Variants in DPP6 observed in about 807,000 individuals in gnomAD.
DPP6 encodes the protein dipeptidyl peptidase like 6.
In DPP6, 69 loss-of-function variants were observed where a neutral mutation model predicts 122.6. The observed-to-expected ratio is 0.56, with a 90% CI of 0.46 to 0.69. The LOEUF is 0.69. DPP6 is among the 30% of genes least tolerant of loss of function. DPP6 has a pLI of 0.00. For synonymous variants in DPP6, 418 were observed against 433.1 expected (o/e 0.97, Z 0.43); for missense variants, 928 against 1,116.9 (o/e 0.83, Z 2.41).
rs1834414154 is a variant in DPP6 at position 154,618,477 on chromosome 7, G to A, written c.628-19344G>A. 6.6e-6 allele frequency among the ~76,000 whole-genome samples: 1 copy of A among 152,132 alleles called. No individual in the cohort carries two copies. Among genetic ancestry groups the A allele is most frequent in the South Asian group, 2.1e-4 (1 of 4,828 alleles). On this transcript the variant is annotated intron_variant, in intron 5 of 25. Transcript: ENST00000377770. This position sits in a 1 kb window ranked among gnomAD's most constrained non-coding sequence, Gnocchi z 4.1. ...CTTGTTAGACCATTGATTTCCTTTAGAAGATCAAAATCAGGGTGCAGGTAG... is the reference window on the plus strand; with the variant it reads ...CTTGTTAGACCATTGATTTCCTTTAAAAGATCAAAATCAGGGTGCAGGTAG...
the DPP6 span, among the ~76,000 whole-genome samples, chr7:153,772,750 G>C: frequency 4.7e-5 from 7 of 148,286 alleles, 1 homozygote; most frequent in African/African-American, 7.3e-5. Flanking sequence ...GATTTAGATA[G>C]GTTAAAAGAA....
At chr7:154,827,867 T>A (rs1800303329) in intron 16 of DPP6, among the ~76,000 whole-genome samples, 1 of 151,864 alleles carries the variant, frequency 6.6e-6, no homozygotes, top group Non-Finnish European at 1.5e-5. Flanking sequence ...GTGATGAAAA[T>A]GTCTTAGACT....
intron 1 of DPP6, among the ~76,000 whole-genome samples, chr7:154,359,417 G>A (rs765936917): frequency 5.9e-5 from 9 of 152,104 alleles, no homozygotes; most frequent in African/African-American, 2.2e-4. Context: ...TTGATGAAAG[G>A]TTCCTTCTGC....
intron 1 of DPP6, among the ~76,000 whole-genome samples, chr7:153,902,083 C>T (rs1799660416): frequency 6.6e-6 from 1 of 152,228 alleles, no homozygotes. Flanking sequence ...AGAAAGAGAA[C>T]ACTTTTCTTA....
chr7:154,717,899 C>G (rs570833606), intron 7 of DPP6, among the ~76,000 whole-genome samples: 1 of 152,308 alleles, frequency 6.6e-6, no homozygotes, highest in Non-Finnish European at 1.5e-5. Context: ...TTATCCATAT[C>G]CTCACCAGCA....
intron 3 of DPP6, among the ~76,000 whole-genome samples, chr7:154,537,460 A>G (rs558642738): frequency 4.6e-5 from 7 of 152,312 alleles, no homozygotes; most frequent in Non-Finnish European, 1.0e-4. Context: ...TTAAAGTGTC[A>G]TAACCACTTT....
intron 1 of DPP6, among the ~76,000 whole-genome samples, chr7:154,167,231 G>C (rs1182078437): frequency 6.6e-6 from 1 of 152,208 alleles, no homozygotes; most frequent in African/African-American, 2.4e-5. Flanking sequence ...CAGGCGTGGT[G>C]TGTGCTGCAT....
chr7:154,556,827 A>G (rs181981732), intron 4 of DPP6, among the ~76,000 whole-genome samples: 125 of 152,322 alleles, frequency 8.2e-4, no homozygotes, highest in African/African-American at 2.9e-3. Flanking sequence ...ATAGAAAATG[A>G]ACAAAAATAT....
At chr7:154,654,104 G>A (rs1002823990) in intron 6 of DPP6, among the ~76,000 whole-genome samples, 10 of 152,120 alleles carry the variant, frequency 6.6e-5, no homozygotes, top group African/African-American at 2.2e-4. Flanking sequence ...GGGATTATAA[G>A]TAGTCTAGAG....
intron 1 of DPP6, among the ~76,000 whole-genome samples, chr7:154,423,660 CA>C (rs1365096443): frequency 6.6e-6 from 1 of 152,078 alleles, no homozygotes; most frequent in African/African-American, 2.4e-5. Context: ...TCTGAATACC[CA>C]AACAGAGAAT....
chr7:154,883,165 TCA>T (rs1238271223), intron 21 of DPP6, among the ~76,000 whole-genome samples: 6 of 91,544 alleles, frequency 6.6e-5, no homozygotes, highest in South Asian at 3.8e-4. Flanking sequence ...GCTCACACAT[TCA>T]CACACATACA....
intron 7 of DPP6, among the ~76,000 whole-genome samples, chr7:154,716,529 C>T (rs1422442996): frequency 2.0e-5 from 3 of 152,156 alleles, no homozygotes; most frequent in Non-Finnish European, 4.4e-5. Context: ...CTTCTTCACC[C>T]CCAGCTATAG....
intron 1 of DPP6, among the ~76,000 whole-genome samples, chr7:154,331,724 G>A (rs1808960752): frequency 6.6e-6 from 1 of 152,136 alleles, no homozygotes; most frequent in South Asian, 2.1e-4. Flanking sequence ...GTCACTATAT[G>A]GTCATCCACA....
At chr7:154,570,083 A>G (rs1039927802) in intron 5 of DPP6, among the ~76,000 whole-genome samples, 2 of 151,818 alleles carry the variant, frequency 1.3e-5, no homozygotes, top group African/African-American at 4.9e-5. Flanking sequence ...ATCCAATTTC[A>G]TTGGAATGGA....
chr7:154,213,489 G>A (rs1799845221), intron 1 of DPP6, among the ~76,000 whole-genome samples: 1 of 152,166 alleles, frequency 6.6e-6, no homozygotes, highest in Non-Finnish European at 1.5e-5. Context: ...AGGACAAAGA[G>A]TTCCCAATGT....
At chr7:153,808,952 A>AT in the DPP6 span, among the ~76,000 whole-genome samples, 1,399 of 152,008 alleles carry the variant, frequency 9.2e-3, 26 homozygotes, top group African/African-American at 0.032. Context: ...TTTGATTTTT[A>AT]TTTTTTTGTG....
intron 1 of DPP6, among the ~76,000 whole-genome samples, chr7:153,999,976 GAAAGA>G (rs1227167859): frequency 6.8e-6 from 1 of 146,356 alleles, no homozygotes; most frequent in Non-Finnish European, 1.5e-5. Flanking sequence ...AAGAAAGAAA[GAAAGA>G]AAAAAAAAAC....
intron 8 of DPP6, 112 bp from the exon 9 acceptor site, chr7:154,769,305 G>C (rs1385317191): frequency 2.2e-6 from 3 of 1,376,462 alleles, no homozygotes; most frequent in Non-Finnish European, 2.0e-6. Flanking sequence ...TAGCAGATAA[G>C]GGGCTCTGCA....
At chr7:154,477,477 A>G (rs537271079) in intron 3 of DPP6, among the ~76,000 whole-genome samples, 3 of 151,828 alleles carry the variant, frequency 2.0e-5, no homozygotes, top group Admixed American at 1.3e-4. Flanking sequence ...TAAGGTATAT[A>G]TTTTTATTAG....
Sources: allele counts gnomAD v4.1 joint callset (sites outside exome capture counted in the v4.1 genomes callset), GRCh38; gene constraint gnomAD v4.1.1; non-coding constraint Gnocchi (gnomAD v3.1); transcripts MANE v1.5; gene names NCBI Gene and HGNC (gene_info 2026-07-23, HGNC 2026-07-21).